The following EYA4 variants were observed in gnomAD, a reference collection of about 807,000 sequenced individuals.
EYA4 encodes the protein protein phosphatase EYA4.
EYA4 carries 31 observed loss-of-function variants against 87.9 expected under a neutral mutation model. The ratio of observed to expected loss-of-function variants is 0.35; its 90% CI spans 0.27 to 0.48. EYA4 has a LOEUF of 0.48. EYA4 is among the 20% of genes least tolerant of loss of function. The pLI, the probability that EYA4 is intolerant of heterozygous loss-of-function variation, is 0.99. For missense variants in EYA4, 678 were observed against 761.4 expected, an observed-to-expected ratio of 0.89 and a Z score of 1.29; for synonymous variants, 263 against 270.6, an observed-to-expected ratio of 0.97 and a Z score of 0.28.
chr6:133,439,049 C>CAAAAAAAAAAAAAA lies in EYA4; in HGVS notation c.84-7567_84-7554dup, dbSNP rs56261819. On this transcript the variant is annotated intron_variant, in intron 3 of 19. Transcript: ENST00000355286. ...TGGGTGACAAAGCGAGACTCCGTCT[C>CAAAAAAAAAAAAAA]AAAAAAAAAAAAAAAAAAAAAAAAA... Among the ~76,000 whole-genome samples the CAAAAAAAAAAAAAA allele has an allele frequency of 1.7e-4, 11 of 64,032 alleles. 2 individuals carry two copies. The highest frequency in any genetic ancestry group is 7.8e-4 in the Admixed American group (3 of 3,842). The allele number at this position is 64,032 out of a possible 152,430, so 42.0% of individuals were successfully genotyped here. A position where few individuals can be genotyped will look rare whatever the true frequency, so the allele number is the denominator to read the frequency against.
chr6:133,376,141 A>G (rs1047653659), intron 2 of EYA4, among the ~76,000 whole-genome samples: 1 of 151,844 alleles, frequency 6.6e-6, no homozygotes, highest in African/African-American at 2.4e-5. Context: ...TTGGCATGCA[A>G]TAATCTGTAA....
At chr6:133,385,389 CTCTGTG>C (rs753022065) in intron 3 of EYA4, among the ~76,000 whole-genome samples, 10,521 of 64,736 alleles carry the variant, frequency 0.16, 1,255 homozygotes, top group East Asian at 0.39. Flanking sequence ...TGTATGCTCT[CTCTGTG>C]TGTGTGTGTG....
chr6:133,336,215 G>T (rs570790387), intron 2 of EYA4, among the ~76,000 whole-genome samples: 2 of 152,216 alleles, frequency 1.3e-5, no homozygotes, highest in Admixed American at 6.5e-5. Context: ...TAGTCCTGTG[G>T]TGCCAAAATC....
intron 3 of EYA4, among the ~76,000 whole-genome samples, chr6:133,407,373 A>G (rs1788802357): frequency 6.6e-6 from 1 of 150,812 alleles, no homozygotes; most frequent in Non-Finnish European, 1.5e-5. Flanking sequence ...GAATGGGAGG[A>G]TAGGAGGAGA....
intron 5 of EYA4, among the ~76,000 whole-genome samples, chr6:133,448,688 A>G (rs1793102335): frequency 6.6e-6 from 1 of 152,236 alleles, no homozygotes; most frequent in Non-Finnish European, 1.5e-5. Flanking sequence ...AAAAATTATC[A>G]GTAATGAAAG....
chr6:133,378,828 G>T (rs1177610186), intron 2 of EYA4, among the ~76,000 whole-genome samples: 1 of 151,458 alleles, frequency 6.6e-6, no homozygotes, highest in Non-Finnish European at 1.5e-5. Context: ...GAATTTTCCT[G>T]TATTTTTATA....
intron 2 of EYA4, among the ~76,000 whole-genome samples, chr6:133,370,125 T>C (rs540613689): frequency 6.6e-6 from 1 of 152,318 alleles, no homozygotes; most frequent in Admixed American, 6.5e-5. Context: ...GGTTAGAGAC[T>C]ATAAACCTCT....
At chr6:133,367,882 T>C (rs1019055003) in intron 2 of EYA4, among the ~76,000 whole-genome samples, 1 of 152,138 alleles carries the variant, frequency 6.6e-6, no homozygotes, top group African/African-American at 2.4e-5. Context: ...TTAAATAAAA[T>C]ATATATGGAA....
At chr6:133,398,576 G>T (rs879338005) in intron 3 of EYA4, among the ~76,000 whole-genome samples, 1 of 152,006 alleles carries the variant, frequency 6.6e-6, no homozygotes, top group Non-Finnish European at 1.5e-5. Flanking sequence ...AGTAATAAGA[G>T]TTAGAACTTC....
At chr6:133,397,805 CAA>C (rs768009134) in intron 3 of EYA4, among the ~76,000 whole-genome samples, 1 of 152,140 alleles carries the variant, frequency 6.6e-6, no homozygotes, top group African/African-American at 2.4e-5. Context: ...TGGGGGCCGA[CAA>C]GAGAAGAGGG....
chr6:133,402,958 C>T (rs569265682), intron 3 of EYA4, among the ~76,000 whole-genome samples: 1 of 152,262 alleles, frequency 6.6e-6, no homozygotes, highest in African/African-American at 2.4e-5. Context: ...CTCCAGCACC[C>T]ACTCTACCAA....
chr6:133,263,348 G>C (rs113415426), intron 1 of EYA4, among the ~76,000 whole-genome samples: 25 of 152,346 alleles, frequency 1.6e-4, no homozygotes, highest in African/African-American at 5.8e-4. Context: ...GGAGTCACAA[G>C]ATCTGGGTGC....
intron 2 of EYA4, among the ~76,000 whole-genome samples, chr6:133,328,125 A>G (rs1325854217): frequency 6.6e-6 from 1 of 152,144 alleles, no homozygotes; most frequent in Non-Finnish European, 1.5e-5. Flanking sequence ...TTCTATACCT[A>G]AGTATGGGAA....
chr6:133,436,260 A>G (rs1051122073), intron 3 of EYA4, among the ~76,000 whole-genome samples: 2 of 151,088 alleles, frequency 1.3e-5, no homozygotes, highest in African/African-American at 4.9e-5. Flanking sequence ...ATGCATTTCC[A>G]TCAGAGAACT....
Position 133,467,939 on chromosome 6 carries a change from G to A in EYA4, c.805-627G>A, listed in dbSNP as rs1794991408. Among the ~76,000 whole-genome samples the A allele has an allele frequency of 4.6e-5, 7 of 152,138 alleles. No individual in the cohort carries two copies. In the South Asian group the frequency reaches 1.5e-3, roughly 32 times the overall value. On this transcript the variant is annotated intron_variant, in intron 10 of 19. Transcript: ENST00000355286. The stretch of plus-strand genomic sequence containing the variant: ...GCTTTCATTTTTCTCTGTAACAAAG[G>A]AGGGAAACTAAATCATTGAAAAGTT...
At chr6:133,456,254 A>G (rs1367045806) in intron 5 of EYA4, among the ~76,000 whole-genome samples, 1 of 152,162 alleles carries the variant, frequency 6.6e-6, no homozygotes, top group Non-Finnish European at 1.5e-5. Context: ...CTTCTTTCCT[A>G]TTGACTATAT....
chr6:133,421,995 G>A (rs1790262889), intron 3 of EYA4, among the ~76,000 whole-genome samples: 1 of 152,144 alleles, frequency 6.6e-6, no homozygotes, highest in Non-Finnish European at 1.5e-5. Context: ...TAGTAAATAT[G>A]TGAAAGTTTT....
chr6:133,421,352 A>G (rs1790205051), intron 3 of EYA4, among the ~76,000 whole-genome samples: 1 of 152,246 alleles, frequency 6.6e-6, no homozygotes, highest in Non-Finnish European at 1.5e-5. Context: ...CTACCAGCAC[A>G]TTAACTCAAA....
At chr6:133,504,687 A>T (rs1033353605) in intron 13 of EYA4, among the ~76,000 whole-genome samples, 1 of 152,200 alleles carries the variant, frequency 6.6e-6, no homozygotes, top group Non-Finnish European at 1.5e-5. Context: ...AACATGATGA[A>T]AGGAAATATA....
Sources: gnomAD v4.1 joint callset for allele counts (sites outside exome capture counted in the v4.1 genomes callset) on GRCh38, gnomAD v4.1.1 for gene constraint, MANE v1.5 for transcripts, NCBI Gene and HGNC (gene_info 2026-07-23, HGNC 2026-07-21) for gene names.